Variants in NALF1 observed in about 807,000 individuals in gnomAD.
NALF1 encodes NALCN channel auxiliary factor 1, also known as family with sequence similarity 155 member A.
A neutral mutation model predicts 48.4 loss-of-function variants in NALF1; 3 were observed. The ratio of observed to expected loss-of-function variants is 0.06; its 90% confidence interval spans 0.03 to 0.16. The LOEUF is 0.16. NALF1 is among the 10% of genes least tolerant of loss of function. The probability of loss-of-function intolerance (pLI) is 1.00; values close to 1 mark genes in which losing one functional copy is unlikely to be tolerated. For missense variants in NALF1, 526 were observed against 571.5 expected (o/e 0.92, Z 0.81); for synonymous variants, 262 against 245.7 (o/e 1.07, Z -0.62).
chr13:107,854,827 T>A (rs1186078649), intron 1 of NALF1, among the ~76,000 whole-genome samples: 2 of 143,652 alleles, frequency 1.4e-5, no homozygotes, highest in Non-Finnish European at 3.0e-5. Context: ...TGAGCCAAGA[T>A]GGCGCCACTG....
At chr13:107,716,361 T>C (rs1228119129) in intron 1 of NALF1, among the ~76,000 whole-genome samples, 2 of 152,166 alleles carry the variant, frequency 1.3e-5, no homozygotes, top group South Asian at 2.1e-4. Context: ...CCCGGTGCCA[T>C]ATATTGCTCT....
At chr13:107,569,285 C>A (rs954917414) in intron 1 of NALF1, among the ~76,000 whole-genome samples, 1 of 151,792 alleles carries the variant, frequency 6.6e-6, no homozygotes, top group Non-Finnish European at 1.5e-5. Context: ...CTGGCCAACA[C>A]GGTGAAACCC....
chr13:107,239,613 T>A (rs750298715), intron 1 of NALF1, among the ~76,000 whole-genome samples: 1 of 152,154 alleles, frequency 6.6e-6, no homozygotes, highest in Admixed American at 6.5e-5. Flanking sequence ...TATCAAAATT[T>A]TAGTTTGGAT....
At chr13:107,247,418 G>A (rs1460974359) in intron 1 of NALF1, among the ~76,000 whole-genome samples, 1 of 152,130 alleles carries the variant, frequency 6.6e-6, no homozygotes, top group Admixed American at 6.6e-5. Context: ...ACCCCAAAGG[G>A]GTTTGATTTG....
intron 1 of NALF1, among the ~76,000 whole-genome samples, chr13:107,324,483 G>T (rs944308543): frequency 6.6e-6 from 1 of 152,150 alleles, no homozygotes; most frequent in Non-Finnish European, 1.5e-5. Flanking sequence ...GGAGTGGGGG[G>T]AAGAACAGTA....
chr13:107,416,168 G>A (rs1320262895), intron 1 of NALF1, among the ~76,000 whole-genome samples: 3 of 111,364 alleles, frequency 2.7e-5, no homozygotes, highest in African/African-American at 1.1e-4. Flanking sequence ...CACCATGCCC[G>A]GCTAAATTTT....
At chr13:107,171,547 C>T (rs1378709910) in intron 2 of NALF1, among the ~76,000 whole-genome samples, 1 of 152,190 alleles carries the variant, frequency 6.6e-6, no homozygotes, top group African/African-American at 2.4e-5. Context: ...CACTTTCTTC[C>T]TCCTTGCTGA....
At chr13:107,214,908 C>T (rs189376029) in intron 1 of NALF1, among the ~76,000 whole-genome samples, 3 of 152,254 alleles carry the variant, frequency 2.0e-5, no homozygotes, top group South Asian at 2.1e-4. Flanking sequence ...AATAAGGAAA[C>T]GTATACAGGG....
At chr13:107,320,009 A>G (rs1255976769) in intron 1 of NALF1, among the ~76,000 whole-genome samples, 1 of 152,166 alleles carries the variant, frequency 6.6e-6, no homozygotes, top group Non-Finnish European at 1.5e-5. Context: ...AGGAACTTAC[A>G]GAACAGAACA....
At chr13:107,849,284 G>C (rs1311622111) in intron 1 of NALF1, among the ~76,000 whole-genome samples, 2 of 152,178 alleles carry the variant, frequency 1.3e-5, no homozygotes, top group Non-Finnish European at 2.9e-5. Flanking sequence ...ACTTGTCAGA[G>C]GTTATAACAA....
intron 1 of NALF1, among the ~76,000 whole-genome samples, chr13:107,507,903 G>T (rs764050066): frequency 1.3e-5 from 2 of 152,122 alleles, no homozygotes; most frequent in Non-Finnish European, 2.9e-5. Flanking sequence ...ATGCAATGCA[G>T]CGTGGCTCCA....
At chr13:107,741,280 G>A (rs939018708) in intron 1 of NALF1, among the ~76,000 whole-genome samples, 15 of 152,074 alleles carry the variant, frequency 9.9e-5, no homozygotes, top group African/African-American at 3.1e-4. Context: ...TAGCAATGTA[G>A]CAAAAAGTAT....
At chr13:107,779,645 G>C (rs9559155) in intron 1 of NALF1, among the ~76,000 whole-genome samples, 20,103 of 152,184 alleles carry the variant, frequency 0.13, 1,557 homozygotes, top group Admixed American at 0.23. Context: ...TCGTTCTGTA[G>C]TCTGCCTTTT....
At chr13:107,181,712 G>A (rs1879066500) in intron 2 of NALF1, among the ~76,000 whole-genome samples, 1 of 149,520 alleles carries the variant, frequency 6.7e-6, no homozygotes, top group African/African-American at 2.5e-5. Flanking sequence ...AGACATGTAT[G>A]TTTTACAAAT....
chr13:107,300,837 G>A (rs1366455695), intron 1 of NALF1, among the ~76,000 whole-genome samples: 1 of 152,140 alleles, frequency 6.6e-6, no homozygotes, highest in Non-Finnish European at 1.5e-5. Flanking sequence ...GAGAGGAACA[G>A]ATTCACTGTT....
At chr13:107,707,074 C>A (rs1875399421) in intron 1 of NALF1, among the ~76,000 whole-genome samples, 1 of 151,304 alleles carries the variant, frequency 6.6e-6, no homozygotes, top group Non-Finnish European at 1.5e-5. Context: ...AGGCGCCCGC[C>A]ACTACGCCCG....
In NALF1 at chr13:107,675,693, C is replaced by A. The variant is rs1474334641; in HGVS notation, c.915+189989G>T. ...GGGGTTTCTATCTCCCTAGCTACTG[C>A]TGCCTGGTTCTATCACCAACGTTTT... is the stretch of plus-strand genomic sequence containing the variant. On this transcript the variant is annotated intron_variant, in intron 1 of 2. Transcript: ENST00000375915. Among the ~76,000 whole-genome samples the A allele has an allele frequency of 2.0e-5, 3 of 152,268 alleles. No homozygotes were observed. In the East Asian group the frequency reaches 5.8e-4, roughly 29 times the overall value.
At chr13:107,652,842 G>C (rs1880480911) in intron 1 of NALF1, among the ~76,000 whole-genome samples, 1 of 152,050 alleles carries the variant, frequency 6.6e-6, no homozygotes, top group African/African-American at 2.4e-5. Flanking sequence ...TTTCTCCTTG[G>C]AATTACTTTT....
intron 1 of NALF1, among the ~76,000 whole-genome samples, chr13:107,469,398 GA>G (rs914269937): frequency 2.4e-4 from 36 of 151,952 alleles, no homozygotes; most frequent in Non-Finnish European, 2.6e-4. Context: ...TATGGCAGCA[GA>G]AAAAAAATGG....
Sources: gnomAD v4.1 joint callset for allele counts (sites outside exome capture counted in the v4.1 genomes callset) on GRCh38, gnomAD v4.1.1 for gene constraint, MANE v1.5 for transcripts, NCBI Gene and HGNC (gene_info 2026-07-23, HGNC 2026-07-21) for gene names.